TERF2: variants seen among roughly 807,000 people sequenced by gnomAD.
The protein encoded by TERF2 is telomeric repeat-binding factor 2.
A neutral mutation model predicts 56.1 loss-of-function variants in TERF2; 16 were observed. The observed-to-expected ratio is 0.29, with a 90% confidence interval of 0.19 to 0.43. TERF2 has a LOEUF of 0.43. Among genes scored for constraint, TERF2 ranks in the 20% least tolerant of loss-of-function variants. The pLI, the probability that TERF2 is intolerant of heterozygous loss-of-function variation, is 1.00. For synonymous variants in TERF2, 296 were observed against 282.1 expected (o/e 1.05, Z -0.50); for missense variants, 547 against 712.9 (o/e 0.77, Z 2.65).
intron 5 of TERF2, 47 bp downstream of exon 5, chr16:69,370,436 C>T (rs757392527): frequency 1.3e-6 from 2 of 1,592,428 alleles, no homozygotes; most frequent in Middle Eastern, 1.7e-4. Flanking sequence ...ATTCCCCGCA[C>T]ATCCTCAAGG....
At chr16:69,367,737 T>C (rs1033157007) in intron 6 of TERF2, among the ~76,000 whole-genome samples, 1 of 152,214 alleles carries the variant, frequency 6.6e-6, no homozygotes, top group Admixed American at 6.5e-5. Context: ...CAAATCCATC[T>C]GGCAGCCTGT....
At chr16:69,374,585 T>C (rs1264909928) in intron 3 of TERF2, among the ~76,000 whole-genome samples, 1 of 129,622 alleles carries the variant, frequency 7.7e-6, no homozygotes, top group African/African-American at 3.0e-5. Context: ...ATCATGCCAC[T>C]GCACTCCAGC....
intron 3 of TERF2, among the ~76,000 whole-genome samples, chr16:69,376,305 A>T (rs1416958750): frequency 6.6e-6 from 1 of 152,194 alleles, no homozygotes; most frequent in Non-Finnish European, 1.5e-5. Flanking sequence ...TGAAAAGACC[A>T]TCCTTTTCCC....
chr16:69,357,839 T>G (rs1485156509), intron 8 of TERF2, among the ~76,000 whole-genome samples: 1 of 149,208 alleles, frequency 6.7e-6, no homozygotes, highest in Non-Finnish European at 1.5e-5. Flanking sequence ...AAAATCAACA[T>G]CGTTTTCTTT....
At chr16:69,366,597 G>C (rs897536563) in intron 7 of TERF2, 2 of 592,488 alleles carry the variant, frequency 3.4e-6, no homozygotes, top group African/African-American at 3.7e-5. Flanking sequence ...TCATGCCCTA[G>C]TGCAAGGCTT....
At chr16:69,364,950 T>A (rs764377168) in intron 7 of TERF2, 1 of 152,244 alleles carries the variant, frequency 6.6e-6, no homozygotes, top group African/African-American at 2.4e-5. Context: ...AGATAATACA[T>A]TGATGATGGG....
At chr16:69,376,975 C>G (rs899634961) in intron 3 of TERF2, among the ~76,000 whole-genome samples, 1 of 151,670 alleles carries the variant, frequency 6.6e-6, no homozygotes, top group Non-Finnish European at 1.5e-5. Flanking sequence ...CCGACGCAGG[C>G]GGATTGCCTG....
Position 69,356,956 on chromosome 16 carries a change from C to T in TERF2, c.1571G>A (p.Arg524Gln), listed in dbSNP as rs769891441. 2 of 1,614,104 alleles carry T rather than the reference C, an allele frequency of 1.2e-6. No homozygotes were observed. The highest frequency in any genetic ancestry group is 1.7e-6 in the Non-Finnish European group (2 of 1,180,024). ...AISKNYPFVN[R>Q]TAVMIKDRWR... Reference sequence around the variant, plus strand: ...GCGATCCTTAATCATCACAGCTGTTCGGTTAACAAATGGGTAATTTTTAGA... The same window carrying T: ...GCGATCCTTAATCATCACAGCTGTTTGGTTAACAAATGGGTAATTTTTAGA... Residue 524 changes from arginine (R) to glutamine (Q), a missense_variant, in exon 10 of 10, where the codon CGA (arginine) becomes CAA (glutamine). Transcript: ENST00000254942.
At chr16:69,380,075 G>A (rs1195375578) in intron 3 of TERF2, among the ~76,000 whole-genome samples, 2 of 151,878 alleles carry the variant, frequency 1.3e-5, no homozygotes, top group Non-Finnish European at 2.9e-5. Flanking sequence ...CACACACCCG[G>A]CTAATTTTTG....
At chr16:69,382,718 A>AGT (rs1319302480) in intron 3 of TERF2, among the ~76,000 whole-genome samples, 1 of 152,246 alleles carries the variant, frequency 6.6e-6, no homozygotes, top group African/African-American at 2.4e-5. Flanking sequence ...CCAGTAGGAA[A>AGT]GTGAGTCTTG....
intron 7 of TERF2, 185 bp downstream of exon 7, chr16:69,366,621 CG>C (rs2013354148): frequency 1.4e-6 from 1 of 718,796 alleles, no homozygotes; most frequent in African/African-American, 1.8e-5. Context: ...AGCCCACATG[CG>C]GGGCTTCAGA....
chr16:69,379,634 G>A (rs1199082206), intron 3 of TERF2, among the ~76,000 whole-genome samples: 1 of 152,150 alleles, frequency 6.6e-6, no homozygotes, highest in Non-Finnish European at 1.5e-5. Context: ...TTCTGTTTAT[G>A]TAGGTTATAT....
At position 69,356,628 on chromosome 16, in the gene TERF2, G is replaced by A. The variant is rs982063737; in HGVS notation, c.*270C>T. ...ATCCTGGCTAACACGGTGAAACCCC[G>A]TCTCTACTAAAAATACAAAACATTA... On this transcript the variant is annotated 3_prime_UTR_variant, in exon 10 of 10. Coordinates refer to ENST00000254942, the MANE Select transcript of TERF2 (RefSeq NM_005652.5). The A allele has an allele frequency of 8.0e-5, 24 of 298,892 alleles. No individual in the cohort carries two copies. Among genetic ancestry groups the A allele is most frequent in the Admixed American group, 3.4e-4 (7 of 20,662 alleles). 18.5% of individuals were successfully genotyped at this position (298,892 alleles called of 1,614,324 possible).
Position 69,355,999 on chromosome 16 carries a change from C to CG in TERF2, c.*898_*899insC. The stretch of plus-strand genomic sequence containing the variant: ...CATGAGAAGTGGAGGATTAACCTGC[C>CG]TACATAGCCCAGCAGATGTTGACAG... On this transcript the variant is annotated 3_prime_UTR_variant, in exon 10 of 10. Coordinates refer to ENST00000254942, the MANE Select transcript of TERF2 (RefSeq NM_005652.5). The CG allele has an allele frequency of 3.5e-6, 1 of 283,144 alleles. No homozygotes were observed. The highest frequency in any genetic ancestry group is 7.1e-6 in the Non-Finnish European group (1 of 141,660). The allele number at this position is 283,144 out of a possible 1,614,324, so 17.5% of individuals were successfully genotyped here.
In TERF2 at chr16:69,356,787, G is replaced by C. The variant is rs1429511887; in HGVS notation, c.*111C>G. ...TGCACTCCAGCCTGGGTGACAGAGC[G>C]AGACTCTGTCTCAAAAAAAAAAAAA... On this transcript the variant is annotated 3_prime_UTR_variant, in exon 10 of 10. Coordinates refer to ENST00000254942, the MANE Select transcript of TERF2 (RefSeq NM_005652.5). 16 of 1,220,166 alleles carry C rather than the reference G, an allele frequency of 1.3e-5. No individual in the cohort carries two copies. Among genetic ancestry groups the C allele is most frequent in the Non-Finnish European group, 1.5e-5 (14 of 903,430 alleles). The allele number at this position is 1,220,166 out of a possible 1,614,324, so 75.6% of individuals were successfully genotyped here. A position where few individuals can be genotyped will look rare whatever the true frequency, so the allele number is the denominator to read the frequency against.
chr16:69,368,574 C>T, intron 5 of TERF2, 92 bp from the exon 6 acceptor site: 1 of 1,567,354 alleles, frequency 6.4e-7, no homozygotes. Context: ...AATATGCAAA[C>T]AAGTTCACTT....
intron 2 of TERF2, among the ~76,000 whole-genome samples, chr16:69,384,985 C>T (rs1331511966): frequency 6.6e-6 from 1 of 152,096 alleles, no homozygotes; most frequent in Non-Finnish European, 1.5e-5. Context: ...AGAATATACC[C>T]ATCCTCCTCA....
At chr16:69,380,805 T>A (rs1597260388) in intron 3 of TERF2, among the ~76,000 whole-genome samples, 1 of 151,272 alleles carries the variant, frequency 6.6e-6, no homozygotes, top group Non-Finnish European at 1.5e-5. Flanking sequence ...TTCATTAATT[T>A]TTTTTTTTTT....
In TERF2 at chr16:69,356,150, C is replaced by T; in HGVS notation, c.*748G>A. On this transcript the variant is annotated 3_prime_UTR_variant, in exon 10 of 10. Transcript: ENST00000254942. The stretch of plus-strand genomic sequence containing the variant: ...GTTCATAACAGACTAAGTTCCTTTG[C>T]ATTTGCATCAGAAGGCCAGAACTTG... 2.2e-6 allele frequency: 1 copy of T among 450,314 alleles called. No homozygotes were observed. The highest frequency in any genetic ancestry group is 1.6e-5 in the South Asian group (1 of 63,462). The allele number at this position is 450,314 out of a possible 1,614,324, so 27.9% of individuals were successfully genotyped here.
Sources: gnomAD v4.1 joint callset for allele counts (sites outside exome capture counted in the v4.1 genomes callset) on GRCh38, gnomAD v4.1.1 for gene constraint, MANE v1.5 for transcripts, NCBI Gene and HGNC (gene_info 2026-07-23, HGNC 2026-07-21) for gene names.